The following SUGCT variants were observed in gnomAD, a reference collection of about 807,000 sequenced individuals.
SUGCT encodes succinyl-CoA:glutarate CoA-transferase.
In SUGCT, 41 loss-of-function variants were observed where a neutral mutation model predicts 55.0. That is an observed-to-expected ratio of 0.74 (90% CI 0.58 to 0.97). SUGCT has a LOEUF of 0.97. Among genes scored for constraint, SUGCT ranks in the 50% least tolerant of loss-of-function variants. The probability of loss-of-function intolerance (pLI) is 0.00; values close to 1 mark genes in which losing one functional copy is unlikely to be tolerated. For missense variants in SUGCT, 568 were observed against 547.8 expected (o/e 1.04, Z -0.37); for synonymous variants, 187 against 200.4 (o/e 0.93, Z 0.56).
intron 11 of SUGCT, among the ~76,000 whole-genome samples, chr7:40,462,683 A>G (rs1789867156): frequency 6.6e-6 from 1 of 152,144 alleles, no homozygotes. Flanking sequence ...TTTGTTGAAC[A>G]CCTACTATGT....
At chr7:40,690,903 C>A (rs1171846853) in intron 12 of SUGCT, among the ~76,000 whole-genome samples, 1 of 152,108 alleles carries the variant, frequency 6.6e-6, no homozygotes, top group Admixed American at 6.6e-5. Flanking sequence ...GAGCTGAAAT[C>A]TTAGGAGGAC....
At chr7:40,312,822 C>T (rs1389302233) in intron 8 of SUGCT, among the ~76,000 whole-genome samples, 2 of 152,070 alleles carry the variant, frequency 1.3e-5, no homozygotes, top group Non-Finnish European at 2.9e-5. Context: ...AGCTGTAGGC[C>T]AGAAGACATG....
intron 6 of SUGCT, among the ~76,000 whole-genome samples, chr7:40,232,251 G>A (rs554314604): frequency 6.6e-6 from 1 of 152,242 alleles, no homozygotes; most frequent in African/African-American, 2.4e-5. Flanking sequence ...CTCATCCTGA[G>A]TCTCTTGGTT....
At chr7:40,437,842 C>G (rs1788260013) in intron 9 of SUGCT, among the ~76,000 whole-genome samples, 1 of 151,996 alleles carries the variant, frequency 6.6e-6, no homozygotes, top group Admixed American at 6.6e-5. Flanking sequence ...GGAAGAAAAT[C>G]TTGTTAAAAA....
At chr7:40,505,646 ATG>A (rs1479798589) in intron 12 of SUGCT, among the ~76,000 whole-genome samples, 1 of 152,050 alleles carries the variant, frequency 6.6e-6, no homozygotes, top group East Asian at 1.9e-4. Flanking sequence ...TCCTTTTTGT[ATG>A]TGTGTGCATA....
chr7:40,732,143 T>A (rs1786922455), intron 12 of SUGCT, among the ~76,000 whole-genome samples: 1 of 152,176 alleles, frequency 6.6e-6, no homozygotes, highest in African/African-American at 2.4e-5. Context: ...AGCATTGCAC[T>A]CTCTATGAAG....
At chr7:40,417,675 T>C (rs1006584069) in intron 9 of SUGCT, among the ~76,000 whole-genome samples, 1 of 150,942 alleles carries the variant, frequency 6.6e-6, no homozygotes, top group Non-Finnish European at 1.5e-5. Flanking sequence ...TTTCATAGTA[T>C]GTATAATTAT....
intron 8 of SUGCT, among the ~76,000 whole-genome samples, chr7:40,293,286 A>G (rs1793904117): frequency 6.6e-6 from 1 of 152,154 alleles, no homozygotes; most frequent in African/African-American, 2.4e-5. Flanking sequence ...GGAGGACTCA[A>G]CTTGGTCTCT....
intron 12 of SUGCT, among the ~76,000 whole-genome samples, chr7:40,693,387 G>A (rs1165442661): frequency 6.6e-6 from 1 of 152,180 alleles, no homozygotes; most frequent in Non-Finnish European, 1.5e-5. Context: ...ACTTTCAGGT[G>A]CTATTCCAAA....
intron 7 of SUGCT, among the ~76,000 whole-genome samples, chr7:40,267,050 G>A (rs1319220288): frequency 2.1e-5 from 3 of 146,270 alleles, no homozygotes; most frequent in Admixed American, 1.4e-4. Flanking sequence ...AAAAAAAAAA[G>A]GAAGAAAAAA....
intron 9 of SUGCT, among the ~76,000 whole-genome samples, chr7:40,327,843 A>G (rs141190500): frequency 5.5e-4 from 84 of 152,348 alleles, no homozygotes; most frequent in African/African-American, 1.9e-3. Flanking sequence ...TTTATCAATG[A>G]TTACTGTGTT....
intron 12 of SUGCT, among the ~76,000 whole-genome samples, chr7:40,564,834 G>A (rs910843823): frequency 6.6e-6 from 1 of 152,162 alleles, no homozygotes; most frequent in Non-Finnish European, 1.5e-5. Context: ...TCTAAGAGAC[G>A]TATTTATTAC....
intron 12 of SUGCT, among the ~76,000 whole-genome samples, chr7:40,575,421 A>G (rs978210579): frequency 1.3e-5 from 2 of 152,104 alleles, no homozygotes; most frequent in Non-Finnish European, 2.9e-5. Context: ...GGCATATTCA[A>G]ATTACTACTT....
At chr7:40,835,536 C>T (rs1344007433) in intron 13 of SUGCT, among the ~76,000 whole-genome samples, 2 of 152,168 alleles carry the variant, frequency 1.3e-5, no homozygotes, top group African/African-American at 4.8e-5. Flanking sequence ...CCATTCTATG[C>T]CAATCTCCAG....
At position 40,393,025 on chromosome 7, in the gene SUGCT, A is replaced by G. The variant is rs370197821; in HGVS notation, c.817-56262A>G. 2.0e-3 allele frequency among the ~76,000 whole-genome samples: 308 copies of G among 152,318 alleles called. 12 individuals are homozygous for G. In the South Asian group the frequency reaches 0.059, roughly 29 times the overall value. On this transcript the variant is annotated intron_variant, in intron 9 of 13. Transcript: ENST00000335693. Reference sequence around the variant, plus strand: ...GGCACATTGTCTTTGGTATAGTCAAATGGTGATAGTCAACAGAAATTGACC... The same window carrying G: ...GGCACATTGTCTTTGGTATAGTCAAGTGGTGATAGTCAACAGAAATTGACC...
chr7:40,838,795 G>T (rs1209723593), intron 13 of SUGCT, among the ~76,000 whole-genome samples: 1 of 152,098 alleles, frequency 6.6e-6, no homozygotes, highest in Non-Finnish European at 1.5e-5. Flanking sequence ...TTGAATAAGA[G>T]CGATGAAAGG....
At chr7:40,485,829 T>C (rs1791311804) in intron 11 of SUGCT, among the ~76,000 whole-genome samples, 4 of 152,330 alleles carry the variant, frequency 2.6e-5, no homozygotes, top group Admixed American at 1.3e-4. Context: ...GTTAGTGTGA[T>C]GTATCAGGTT....
At chr7:40,785,020 T>C (rs1308032968) in intron 13 of SUGCT, among the ~76,000 whole-genome samples, 1 of 152,228 alleles carries the variant, frequency 6.6e-6, no homozygotes. Context: ...TAATTAGTTT[T>C]ACCTGGTCAA....
chr7:40,983,719 C>G, the SUGCT span, among the ~76,000 whole-genome samples: 2 of 152,140 alleles, frequency 1.3e-5, no homozygotes, highest in Non-Finnish European at 2.9e-5. Context: ...AAGATCTATG[C>G]TCTGTCTATG....
Sources: gnomAD v4.1 joint callset for allele counts (sites outside exome capture counted in the v4.1 genomes callset) on GRCh38, gnomAD v4.1.1 for gene constraint, MANE v1.5 for transcripts, NCBI Gene and HGNC (gene_info 2026-07-23, HGNC 2026-07-21) for gene names.